LTAP1: variants seen among roughly 807,000 people sequenced by gnomAD.
LTAP1 encodes lipid transport auxiliary protein 1, also known as HCV NS5A-transactivated protein 4.
the LTAP1 span, among the ~76,000 whole-genome samples, chr1:154,217,733 C>G: frequency 4.6e-5 from 7 of 152,012 alleles, no homozygotes; most frequent in Non-Finnish European, 7.4e-5. Context: ...GTCTCGAACT[C>G]CTGACCTCAA....
At chr1:154,212,737 C>T in the LTAP1 span, 1 of 1,144,412 alleles carries the variant, frequency 8.7e-7, no homozygotes, top group African/African-American at 1.5e-5. Context: ...TCTTGGCTCA[C>T]TGCAACCTCC....
the LTAP1 span, chr1:154,213,869 T>C: frequency 6.2e-7 from 1 of 1,602,184 alleles, no homozygotes. Flanking sequence ...GATCCTAGAA[T>C]GGACCCTGTC....
At chr1:154,215,961 C>T in the LTAP1 span, among the ~76,000 whole-genome samples, 3 of 151,878 alleles carry the variant, frequency 2.0e-5, no homozygotes, top group Non-Finnish European at 4.4e-5. Context: ...CCTCAGCCTC[C>T]CGAGTAGCTG....
the LTAP1 span, chr1:154,212,465 CCATAGCGGGCTGTTT>C: frequency 6.2e-7 from 1 of 1,614,120 alleles, no homozygotes; most frequent in East Asian, 2.2e-5. Context: ...TACCCCTGTC[CCATAGCGGGCTGTTT>C]CATAGCCATC....
At chr1:154,218,909 G>A in the LTAP1 span, among the ~76,000 whole-genome samples, 1 of 152,182 alleles carries the variant, frequency 6.6e-6, no homozygotes, top group African/African-American at 2.4e-5. Flanking sequence ...TTTAAAATAG[G>A]TAATAAGCAT....
At chr1:154,212,259 T>C in the LTAP1 span, 1 of 1,560,794 alleles carries the variant, frequency 6.4e-7, no homozygotes, top group South Asian at 1.1e-5. Flanking sequence ...GTCACTGCAC[T>C]GTGGCAACAG....
the LTAP1 span, chr1:154,219,868 G>T: frequency 9.9e-6 from 16 of 1,613,784 alleles, no homozygotes; most frequent in Non-Finnish European, 1.3e-5. Context: ...GGGACATGAG[G>T]TCCCCTTCGA....
At chr1:154,218,256 G>A in the LTAP1 span, among the ~76,000 whole-genome samples, 1 of 152,322 alleles carries the variant, frequency 6.6e-6, no homozygotes, top group African/African-American at 2.4e-5. Flanking sequence ...TTAGGTACAT[G>A]TGCAATCTTA....
At chr1:154,208,874 G>A in the LTAP1 span, among the ~76,000 whole-genome samples, 1 of 152,052 alleles carries the variant, frequency 6.6e-6, no homozygotes, top group Non-Finnish European at 1.5e-5. Flanking sequence ...GGCCTCCCGA[G>A]TAGCTGGGGA....
the LTAP1 span, chr1:154,220,304 G>T: frequency 6.2e-7 from 1 of 1,611,410 alleles, no homozygotes; most frequent in Non-Finnish European, 8.5e-7. Flanking sequence ...TACTGGGTAA[G>T]ATGCGACAGC....
the LTAP1 span, among the ~76,000 whole-genome samples, chr1:154,210,884 C>A: frequency 6.6e-6 from 1 of 152,184 alleles, no homozygotes; most frequent in South Asian, 2.1e-4. Flanking sequence ...CATTCCCAAA[C>A]AAAAGCCATG....
At chr1:154,213,872 A>G in the LTAP1 span, 6 of 1,607,656 alleles carry the variant, frequency 3.7e-6, no homozygotes, top group Admixed American at 6.7e-5. Flanking sequence ...CCTAGAATGG[A>G]CCCTGTCAGG....
At chr1:154,207,445 C>T in the LTAP1 span, 3 of 1,613,504 alleles carry the variant, frequency 1.9e-6, no homozygotes, top group Non-Finnish European at 2.5e-6. Flanking sequence ...AAGAGTCCTT[C>T]AGCTCCGTCA....
At chr1:154,220,369 G>T in the LTAP1 span, 1 of 1,614,238 alleles carries the variant, frequency 6.2e-7, no homozygotes, top group Non-Finnish European at 8.5e-7. Context: ...TCACCAGCAC[G>T]ACATTCACCC....
At chr1:154,218,008 C>G in the LTAP1 span, among the ~76,000 whole-genome samples, 3,415 of 152,262 alleles carry the variant, frequency 0.022, 114 homozygotes, top group African/African-American at 0.079. Flanking sequence ...TAGCTCACTG[C>G]AGTCTGTAAC....
the LTAP1 span, chr1:154,220,546 C>A: frequency 1.2e-6 from 1 of 854,782 alleles, no homozygotes; most frequent in Non-Finnish European, 1.9e-6. Flanking sequence ...CAAGCCAGAC[C>A]CGGCCTGAAA....
At chr1:154,219,982 G>GTTT in the LTAP1 span, 6 of 1,397,176 alleles carry the variant, frequency 4.3e-6, no homozygotes, top group African/African-American at 6.8e-5. Flanking sequence ...AGTCAGTTTT[G>GTTT]TTTTGTTTTT....
the LTAP1 span, chr1:154,220,005 C>G: frequency 7.8e-7 from 1 of 1,278,036 alleles, no homozygotes; most frequent in South Asian, 1.4e-5. Flanking sequence ...TTTAAAAAAG[C>G]ATGCCTTCAT....
chr1:154,214,024 T>C, the LTAP1 span: 1 of 1,357,020 alleles, frequency 7.4e-7, no homozygotes, highest in African/African-American at 1.4e-5. Context: ...ATGCCTGTAA[T>C]CCCAACACTT....
Sources: allele counts gnomAD v4.1 joint callset (sites outside exome capture counted in the v4.1 genomes callset), GRCh38; gene constraint gnomAD v4.1.1; transcripts MANE v1.5; gene names NCBI Gene and HGNC (gene_info 2026-07-23, HGNC 2026-07-21).